RCOR3: variants seen among roughly 807,000 people sequenced by gnomAD.
RCOR3 encodes REST corepressor 3.
A neutral mutation model predicts 64.1 loss-of-function variants in RCOR3; 13 were observed. The ratio of observed to expected loss-of-function variants is 0.20; its 90% confidence interval spans 0.13 to 0.32. The LOEUF is 0.32. RCOR3 is among the 10% of genes least tolerant of loss of function. The pLI, the probability that RCOR3 is intolerant of heterozygous loss-of-function variation, is 1.00. For missense variants in RCOR3, 489 were observed against 701.2 expected (o/e 0.70, Z 3.42); for synonymous variants, 215 against 239.0 (o/e 0.90, Z 0.93).
In RCOR3 at chr1:211,314,929, G is replaced by T. The variant is rs1168150031; in HGVS notation, c.*1161G>T. On this transcript the variant is annotated 3_prime_UTR_variant, in exon 12 of 12. Coordinates refer to ENST00000419091, the MANE Select transcript of RCOR3 (RefSeq NM_001136223.3). ...TTCATAAAATAAGAATTTGTTCTGT[G>T]TTATCTAAAGATGTATCAGTATATT... The T allele has an allele frequency of 6.6e-6, 1 of 152,132 alleles. No homozygotes were observed. The highest frequency in any genetic ancestry group is 1.5e-5 in the Non-Finnish European group (1 of 67,992). 9.4% of individuals were successfully genotyped at this position (152,132 alleles called of 1,614,324 possible).
chr1:211,279,570 T>G (rs1480619278), intron 7 of RCOR3, among the ~76,000 whole-genome samples: 1 of 152,238 alleles, frequency 6.6e-6, no homozygotes, highest in African/African-American at 2.4e-5. Context: ...CCTCATTCAG[T>G]TTAGTGACTC....
At position 211,312,610 on chromosome 1, in the gene RCOR3, T is replaced by G; in HGVS notation, c.1076-110T>G. 1 of 792,608 alleles carries G rather than the reference T, an allele frequency of 1.3e-6. No individual in the cohort carries two copies. The highest frequency in any genetic ancestry group is 2.1e-6 in the Non-Finnish European group (1 of 467,742). 49.1% of individuals were successfully genotyped at this position (792,608 alleles called of 1,614,324 possible). ...CTCAGAATTGAGAAATGAGCAGAGT[T>G]TATCAGAAAGGAATTTCATTGCTGG... On this transcript the variant is annotated intron_variant, in intron 10 of 11. Transcript: ENST00000419091. This position sits in a 1 kb window ranked among gnomAD's most constrained non-coding sequence, Gnocchi z 5.0.
chr1:211,281,422 C>T (rs527596807), intron 7 of RCOR3, among the ~76,000 whole-genome samples: 1 of 152,278 alleles, frequency 6.6e-6, no homozygotes, highest in South Asian at 2.1e-4. Flanking sequence ...ATTATCCTAA[C>T]AGTTTTCTCT....
chr1:211,290,454 T>G (rs1699114906), intron 8 of RCOR3, among the ~76,000 whole-genome samples: 1 of 152,240 alleles, frequency 6.6e-6, no homozygotes, highest in Non-Finnish European at 1.5e-5. Context: ...TTCCCTCTTT[T>G]TTATCTCATC....
rs78234772 is a variant in RCOR3 at position 211,289,263 on chromosome 1, A to G, written c.806A>G (p.Gln269Arg). 6.2e-7 allele frequency: 1 copy of G among 1,614,158 alleles called. No homozygotes were observed. Among genetic ancestry groups the G allele is most frequent in the Non-Finnish European group, 8.5e-7 (1 of 1,180,018 alleles). ...AGTTTACAACATCGCCATCATTCTC[A>G]GCGTTCTAAGTGCCGTCCACCTAAG... ...YQSLQHRHHS[Q>R]RSKCRPPKGM... The change falls in exon 8 of 12, where the codon CAG becomes CGG. Residue 269 changes from glutamine to arginine, a missense_variant. By Grantham distance (43) the Gln-to-Arg change is conservative. Coordinates refer to ENST00000419091, the MANE Select transcript of RCOR3 (RefSeq NM_001136223.3).
intron 4 of RCOR3, among the ~76,000 whole-genome samples, chr1:211,275,699 CTATTTA>C (rs924479664): frequency 6.6e-6 from 1 of 152,120 alleles, no homozygotes; most frequent in Non-Finnish European, 1.5e-5. Context: ...CCTAATAATT[CTATTTA>C]TATGTTCTGA....
At chr1:211,279,933 A>C (rs1266034913) in intron 7 of RCOR3, among the ~76,000 whole-genome samples, 1 of 152,198 alleles carries the variant, frequency 6.6e-6, no homozygotes, top group African/African-American at 2.4e-5. Flanking sequence ...GCAGGAGAAA[A>C]TGATACAATT....
At chr1:211,304,169 T>G (rs1479624304) in intron 10 of RCOR3, 29 bp downstream of exon 10, 1 of 1,491,322 alleles carries the variant, frequency 6.7e-7, no homozygotes, top group South Asian at 1.3e-5. Context: ...GTTATTGTTG[T>G]TAATAATTAT....
intron 3 of RCOR3, 50 bp downstream of exon 3, chr1:211,271,359 A>G (rs112257105): frequency 3.5e-6 from 5 of 1,426,282 alleles, no homozygotes; most frequent in Non-Finnish European, 4.0e-6. Flanking sequence ...TTATCAGCCA[A>G]TTCAAAATAT....
intron 8 of RCOR3, among the ~76,000 whole-genome samples, chr1:211,292,237 G>A (rs67764962): frequency 0.11 from 17,393 of 152,166 alleles, 1,133 homozygotes; most frequent in South Asian, 0.2. Flanking sequence ...TGTGTTTATA[G>A]TACATATTTA....
intron 5 of RCOR3, among the ~76,000 whole-genome samples, chr1:211,277,169 CT>C (rs145454761): frequency 4.2e-4 from 60 of 143,148 alleles, no homozygotes; most frequent in Admixed American, 5.6e-4. Context: ...TTCTTTCTTT[CT>C]TTTTTTTTTA....
intron 9 of RCOR3, chr1:211,301,447 A>G (rs1379331585): frequency 6.6e-6 from 1 of 152,122 alleles, no homozygotes; most frequent in Admixed American, 6.5e-5. Context: ...AAACACAACT[A>G]TTGCTTATTA....
chr1:211,276,111 C>T (rs933878688), intron 4 of RCOR3, 146 bp from the exon 5 acceptor site: 19 of 663,670 alleles, frequency 2.9e-5, no homozygotes, highest in African/African-American at 5.5e-5. Context: ...GCTACCTGAG[C>T]GCCCCTGATT....
chr1:211,310,617 CAA>C (rs1448408827), intron 10 of RCOR3, among the ~76,000 whole-genome samples: 1 of 151,952 alleles, frequency 6.6e-6, no homozygotes, highest in African/African-American at 2.4e-5. Flanking sequence ...ACAAATGTAA[CAA>C]TATTGATGAC....
At chr1:211,303,138 A>G (rs1700546792) in intron 9 of RCOR3, 1 of 152,116 alleles carries the variant, frequency 6.6e-6, no homozygotes, top group Non-Finnish European at 1.5e-5. Context: ...CATCTGGAAT[A>G]CAGTGGTTCG....
chr1:211,286,742 A>G (rs1698602630), intron 7 of RCOR3, among the ~76,000 whole-genome samples: 1 of 152,216 alleles, frequency 6.6e-6, no homozygotes, highest in Non-Finnish European at 1.5e-5. Context: ...GACTGCATCC[A>G]CTACCATCCT....
At chr1:211,298,591 A>G (rs1700069291) in intron 9 of RCOR3, among the ~76,000 whole-genome samples, 1 of 152,216 alleles carries the variant, frequency 6.6e-6, no homozygotes, top group Admixed American at 6.5e-5. Context: ...TCTACTTAGG[A>G]AGGCAAACTT....
Position 211,260,129 on chromosome 1 carries a change from C to T in RCOR3, c.188C>T (p.Ala63Val), listed in dbSNP as rs779834759. The change falls in exon 2 of 12, where the codon GCC becomes GTC. Residue 63 changes from alanine (A) to valine (V), a missense_variant. Physicochemically the swap from Ala to Val is moderately conservative, Grantham distance 64 (BLOSUM62 0). This residue lies in a region of RCOR3 where 402 missense variants were observed against 617.0 expected (regional missense o/e 0.65). Coordinates refer to ENST00000419091, the MANE Select transcript of RCOR3 (RefSeq NM_001136223.3). Reference sequence around the variant, plus strand: ...GCAGATGTTGGGATGAGAGTCGGAGCCGAATACCAAGCTCGGATCCCTGAA... The same window carrying T: ...GCAGATGTTGGGATGAGAGTCGGAGTCGAATACCAAGCTCGGATCCCTGAA... ...DEHDVGMRVG[A>V]EYQARIPEFD... The T allele has an allele frequency of 3.7e-6, 6 of 1,611,862 alleles. No individual in the cohort carries two copies. In the East Asian group the frequency reaches 8.9e-5, roughly 24 times the overall value.
intron 2 of RCOR3, among the ~76,000 whole-genome samples, chr1:211,270,485 TAAATA>T (rs1027569529): frequency 5.3e-5 from 8 of 151,380 alleles, no homozygotes; most frequent in African/African-American, 1.9e-4. Flanking sequence ...GAAATAAAAT[TAAATA>T]AAAAGCAGAC....
Sources: allele counts gnomAD v4.1 joint callset (sites outside exome capture counted in the v4.1 genomes callset), GRCh38; gene constraint gnomAD v4.1.1; regional missense constraint gnomAD v4.1.1; non-coding constraint Gnocchi (gnomAD v3.1); transcripts MANE v1.5; gene names NCBI Gene and HGNC (gene_info 2026-07-23, HGNC 2026-07-21).